RGS7: variants seen among roughly 807,000 people sequenced by gnomAD.
The protein encoded by RGS7 is regulator of G-protein signaling 7.
A neutral mutation model predicts 81.1 loss-of-function variants in RGS7; 27 were observed. That is an observed-to-expected ratio of 0.33 (90% CI 0.25 to 0.46). RGS7 has a LOEUF of 0.46. RGS7 is among the 20% of genes least tolerant of loss of function. The pLI, the probability that RGS7 is intolerant of heterozygous loss-of-function variation, is 1.00. For synonymous variants in RGS7, 208 were observed against 207.7 expected, an observed-to-expected ratio of 1.00 and a Z score of -0.01; for missense variants, 396 against 607.4, an observed-to-expected ratio of 0.65 and a Z score of 3.66.
chr1:241,353,815 T>C (rs1030929710), intron 2 of RGS7, among the ~76,000 whole-genome samples: 2 of 152,162 alleles, frequency 1.3e-5, no homozygotes, highest in African/African-American at 4.8e-5. Context: ...GGCGATTCGA[T>C]GCTATACAAC....
chr1:240,857,983 C>T (rs919743501), intron 9 of RGS7, among the ~76,000 whole-genome samples: 1 of 152,212 alleles, frequency 6.6e-6, no homozygotes, highest in Admixed American at 6.5e-5. Flanking sequence ...GCTTCCCCTT[C>T]TGCCATGATT....
At chr1:241,334,561 A>C (rs2082142279) in intron 2 of RGS7, among the ~76,000 whole-genome samples, 1 of 152,124 alleles carries the variant, frequency 6.6e-6, no homozygotes, top group Non-Finnish European at 1.5e-5. Flanking sequence ...TGTTAGTTGG[A>C]AAGTTCTTTT....
chr1:240,974,373 C>A (rs1209501657), intron 4 of RGS7, among the ~76,000 whole-genome samples: 2 of 152,134 alleles, frequency 1.3e-5, no homozygotes, highest in African/African-American at 4.8e-5. Context: ...AAATTTCTTT[C>A]TGTTCACGTT....
In RGS7 at chr1:241,271,603, G is replaced by T. The variant is rs949499591; in HGVS notation, c.78+84096C>A. ...TGGAAGAAATTAGCATTTGAATGGTGGACTGAGTAAAGCAGACTGCCCATC... is the reference window on the plus strand; with the variant it reads ...TGGAAGAAATTAGCATTTGAATGGTTGACTGAGTAAAGCAGACTGCCCATC... On this transcript the variant is annotated intron_variant, in intron 2 of 18. Coordinates refer to ENST00000440928, the MANE Select transcript of RGS7 (RefSeq NM_001364886.1). The surrounding 1 kb of genome is among the most constrained non-coding windows in gnomAD (Gnocchi z 4.6). Among the ~76,000 whole-genome samples the T allele has an allele frequency of 6.6e-6, 1 of 152,148 alleles. No homozygotes were observed. The highest frequency in any genetic ancestry group is 2.4e-5 in the African/African-American group (1 of 41,432).
At chr1:241,197,012 AAATAAGG>A (rs1275394605) in intron 2 of RGS7, among the ~76,000 whole-genome samples, 4 of 151,096 alleles carry the variant, frequency 2.6e-5, no homozygotes, top group Non-Finnish European at 5.9e-5. Context: ...AAAAAAGAAC[AAATAAGG>A]AATATGCTGG....
intron 10 of RGS7, among the ~76,000 whole-genome samples, chr1:240,826,505 C>T (rs1270281780): frequency 2.0e-5 from 3 of 152,120 alleles, no homozygotes; most frequent in African/African-American, 7.2e-5. Context: ...GTTCTCAAAG[C>T]GACTGCTACA....
chr1:240,809,034 GATTAA>G (rs1263976430), intron 14 of RGS7, among the ~76,000 whole-genome samples: 4 of 152,198 alleles, frequency 2.6e-5, no homozygotes, highest in African/African-American at 4.8e-5. Context: ...TGGATTAGTT[GATTAA>G]ATTAATTCCG....
intron 3 of RGS7, among the ~76,000 whole-genome samples, chr1:241,073,074 T>C (rs1176505105): frequency 6.6e-6 from 1 of 152,182 alleles, no homozygotes; most frequent in East Asian, 1.9e-4. Flanking sequence ...GGCAAACTGG[T>C]TCATTAATCA....
intron 3 of RGS7, among the ~76,000 whole-genome samples, chr1:241,085,551 G>A (rs6667447): frequency 0.25 from 37,625 of 151,840 alleles, 6,402 homozygotes; most frequent in African/African-American, 0.48. Flanking sequence ...CAGCCTCCCG[G>A]GTAGCTGGGA....
At chr1:241,161,345 G>A (rs1004775026) in intron 2 of RGS7, among the ~76,000 whole-genome samples, 1 of 151,846 alleles carries the variant, frequency 6.6e-6, no homozygotes, top group Admixed American at 6.6e-5. Context: ...TCACCTAACT[G>A]GTGTTTTTAA....
At chr1:241,294,889 C>T (rs964437443) in intron 2 of RGS7, among the ~76,000 whole-genome samples, 27 of 152,114 alleles carry the variant, frequency 1.8e-4, no homozygotes, top group African/African-American at 3.4e-4. Context: ...TGTAAGTACA[C>T]GCTATGGTGT....
At chr1:240,882,000 C>T (rs1278038868) in intron 6 of RGS7, among the ~76,000 whole-genome samples, 1 of 151,954 alleles carries the variant, frequency 6.6e-6, no homozygotes. Context: ...CTGTTATCTC[C>T]ACCTCCCTGG....
chr1:240,961,817 T>C (rs1681487725), intron 4 of RGS7, among the ~76,000 whole-genome samples: 4 of 152,144 alleles, frequency 2.6e-5, no homozygotes, highest in African/African-American at 9.7e-5. Flanking sequence ...CCACATTCTA[T>C]CTTTAATTGA....
intron 4 of RGS7, among the ~76,000 whole-genome samples, chr1:240,980,820 A>T (rs1194197968): frequency 6.6e-6 from 1 of 152,138 alleles, no homozygotes; most frequent in Non-Finnish European, 1.5e-5. Flanking sequence ...CAAACCAACA[A>T]ATCAGAAACT....
At chr1:241,095,270 G>A (rs1030232565) in intron 3 of RGS7, among the ~76,000 whole-genome samples, 4 of 152,178 alleles carry the variant, frequency 2.6e-5, no homozygotes, top group African/African-American at 9.7e-5. Flanking sequence ...ACATCTGGGG[G>A]TGGGTCCAGA....
intron 9 of RGS7, among the ~76,000 whole-genome samples, chr1:240,843,480 G>A (rs1658497098): frequency 6.6e-6 from 1 of 152,082 alleles, no homozygotes; most frequent in African/African-American, 2.4e-5. Context: ...TGCCCAGGCT[G>A]GTCTTCAACT....
At chr1:240,923,863 T>A (rs1413073350) in intron 6 of RGS7, among the ~76,000 whole-genome samples, 1 of 152,182 alleles carries the variant, frequency 6.6e-6, no homozygotes, top group Non-Finnish European at 1.5e-5. Context: ...AGTTTTCTAA[T>A]ATTATAGATA....
intron 14 of RGS7, among the ~76,000 whole-genome samples, chr1:240,807,655 G>A (rs1689097860): frequency 6.6e-6 from 1 of 152,126 alleles, no homozygotes; most frequent in African/African-American, 2.4e-5. Context: ...CCTCAAACAG[G>A]AAACTACCAC....
intron 3 of RGS7, among the ~76,000 whole-genome samples, chr1:241,044,189 C>T (rs975739695): frequency 1.7e-4 from 26 of 150,966 alleles, no homozygotes; most frequent in African/African-American, 6.3e-4. Context: ...TCTGGGCTCA[C>T]TGCAACCCCG....
Sources: allele counts gnomAD v4.1 joint callset (sites outside exome capture counted in the v4.1 genomes callset), GRCh38; gene constraint gnomAD v4.1.1; non-coding constraint Gnocchi (gnomAD v3.1); transcripts MANE v1.5; gene names NCBI Gene and HGNC (gene_info 2026-07-23, HGNC 2026-07-21).